Variants in ACSS3 observed in about 807,000 individuals in gnomAD.
ACSS3 encodes acyl-CoA synthetase short chain family member 3.
A neutral mutation model predicts 84.2 loss-of-function variants in ACSS3; 64 were observed. The ratio of observed to expected loss-of-function variants is 0.76; its 90% confidence interval spans 0.62 to 0.94. The LOEUF (loss-of-function observed/expected upper bound fraction) is 0.94. ACSS3 is among the 40% of genes least tolerant of loss of function. The pLI, the probability that ACSS3 is intolerant of heterozygous loss-of-function variation, is 0.00. For synonymous variants in ACSS3, 317 were observed against 310.1 expected, an observed-to-expected ratio of 1.02 and a Z score of -0.23; for missense variants, 815 against 867.6, an observed-to-expected ratio of 0.94 and a Z score of 0.76.
At position 81,257,756 on chromosome 12, in the gene ACSS3, A is replaced by T. The variant is rs2136030707; in HGVS notation, c.*2834A>T. ...GTTGATGATCAAAAGTAACGTGTTGAGACTCTGAGCTTAATCCATTAAATG... is the reference window on the plus strand; with the variant it reads ...GTTGATGATCAAAAGTAACGTGTTGTGACTCTGAGCTTAATCCATTAAATG... On this transcript the variant is annotated 3_prime_UTR_variant, in exon 16 of 16. Transcript: ENST00000548058. 1 of 152,260 alleles carries T rather than the reference A, an allele frequency of 6.6e-6. No individual in the cohort carries two copies. The highest frequency in any genetic ancestry group is 2.1e-4 in the South Asian group (1 of 4,832). 9.4% of individuals were successfully genotyped at this position (152,260 alleles called of 1,614,324 possible).
intron 13 of ACSS3, among the ~76,000 whole-genome samples, chr12:81,243,037 G>C (rs1169400181): frequency 6.6e-5 from 10 of 151,702 alleles, no homozygotes; most frequent in Admixed American, 6.6e-4. Context: ...GGAAATAAAG[G>C]GTATTCAATT....
chr12:81,241,911 C>T (rs1358556903), intron 13 of ACSS3, among the ~76,000 whole-genome samples: 11 of 152,086 alleles, frequency 7.2e-5, no homozygotes, highest in East Asian at 5.8e-4. Flanking sequence ...AGTTCTTGCC[C>T]GTGCCTATGT....
intron 8 of ACSS3, among the ~76,000 whole-genome samples, chr12:81,181,002 T>C (rs2030882234): frequency 6.6e-6 from 1 of 152,172 alleles, no homozygotes; most frequent in Admixed American, 6.5e-5. Context: ...GCTGCTTATA[T>C]TGTATAAGTG....
intron 1 of ACSS3, among the ~76,000 whole-genome samples, chr12:81,083,389 ACT>A (rs948912378): frequency 8.0e-5 from 11 of 138,110 alleles, no homozygotes; most frequent in African/African-American, 2.4e-4. Context: ...ACGGAGTCTC[ACT>A]CTGTCACCCA....
At chr12:81,132,053 A>G (rs558889585) in intron 2 of ACSS3, among the ~76,000 whole-genome samples, 1 of 152,308 alleles carries the variant, frequency 6.6e-6, no homozygotes, top group South Asian at 2.1e-4. Context: ...GGATTTTTGC[A>G]TCGATGTTCA....
chr12:81,182,107 C>T (rs911759840), intron 8 of ACSS3, among the ~76,000 whole-genome samples: 3 of 152,160 alleles, frequency 2.0e-5, no homozygotes, highest in East Asian at 3.9e-4. Flanking sequence ...ACATTATAAT[C>T]GTATTATCAA....
chr12:81,117,482 G>C (rs1312686748), intron 2 of ACSS3, among the ~76,000 whole-genome samples: 1 of 152,132 alleles, frequency 6.6e-6, no homozygotes, highest in Non-Finnish European at 1.5e-5. Flanking sequence ...GGTGGGATAG[G>C]AACTATGTGA....
Position 81,175,768 on chromosome 12 carries a change from G to T in ACSS3, c.1250+829G>T, listed in dbSNP as rs2030423881. Among the ~76,000 whole-genome samples, 7 of 152,218 alleles carry T rather than the reference G, an allele frequency of 4.6e-5. No individual in the cohort carries two copies. In the South Asian group the frequency reaches 1.5e-3, roughly 32 times the overall value. On this transcript the variant is annotated intron_variant, in intron 8 of 15. Transcript: ENST00000548058. ...CCTGGGTGACTTTTGGGTAAACAAT[G>T]AAATTAAGGTAGAAATCAAGAAATC...
intron 1 of ACSS3, among the ~76,000 whole-genome samples, chr12:81,091,794 T>G (rs1881685018): frequency 6.6e-6 from 1 of 152,132 alleles, no homozygotes; most frequent in African/African-American, 2.4e-5. Flanking sequence ...TGTATGTGTA[T>G]GTTAAAATGT....
intron 8 of ACSS3, among the ~76,000 whole-genome samples, chr12:81,198,940 G>A (rs1413122771): frequency 6.6e-6 from 1 of 152,166 alleles, no homozygotes; most frequent in Admixed American, 6.5e-5. Flanking sequence ...CAACACTTAT[G>A]TATGTATTTT....
chr12:81,156,506 G>T (rs913343384), intron 7 of ACSS3, among the ~76,000 whole-genome samples: 3 of 148,596 alleles, frequency 2.0e-5, no homozygotes, highest in Non-Finnish European at 4.5e-5. Flanking sequence ...TAATGAAAAA[G>T]AACTATTTCT....
intron 13 of ACSS3, 119 bp downstream of exon 13, chr12:81,233,590 TAG>T: frequency 7.8e-7 from 1 of 1,284,676 alleles, no homozygotes; most frequent in Non-Finnish European, 1.1e-6. Context: ...CAGCAGAGGC[TAG>T]GTTACTCTTA....
At chr12:81,186,114 T>C (rs1479445672) in intron 8 of ACSS3, among the ~76,000 whole-genome samples, 1 of 151,546 alleles carries the variant, frequency 6.6e-6, no homozygotes, top group African/African-American at 2.4e-5. Flanking sequence ...TAGGGAAAAA[T>C]AGTCACTTTA....
rs1458253714 is a variant in ACSS3 at position 81,255,377 on chromosome 12, GT to G, written c.*459del. The stretch of plus-strand genomic sequence containing the variant: ...CTAGTATTCTTTAGATGCTCACATT[GT>G]TTTAAATAAAATAGATGAAATGGGA... On this transcript the variant is annotated 3_prime_UTR_variant, in exon 16 of 16. Coordinates refer to ENST00000548058, the MANE Select transcript of ACSS3 (RefSeq NM_024560.4). 1 of 152,480 alleles carries G rather than the reference GT, an allele frequency of 6.6e-6. No homozygotes were observed. The highest frequency in any genetic ancestry group is 2.4e-5 in the African/African-American group (1 of 41,408). 9.4% of individuals were successfully genotyped at this position (152,480 alleles called of 1,614,324 possible). A position where few individuals can be genotyped will look rare whatever the true frequency, so the allele number is the denominator to read the frequency against.
chr12:81,181,820 A>G (rs2030957180), intron 8 of ACSS3, among the ~76,000 whole-genome samples: 1 of 148,926 alleles, frequency 6.7e-6, no homozygotes, highest in Non-Finnish European at 1.5e-5. Flanking sequence ...AGAATCTGTG[A>G]ACTTCTTGAA....
At chr12:81,191,084 T>C (rs1199368840) in intron 8 of ACSS3, among the ~76,000 whole-genome samples, 1 of 152,104 alleles carries the variant, frequency 6.6e-6, no homozygotes, top group Admixed American at 6.5e-5. Flanking sequence ...TCAGAGCTTC[T>C]ATATAACTTA....
intron 9 of ACSS3, among the ~76,000 whole-genome samples, chr12:81,204,633 T>C (rs983916054): frequency 2.0e-5 from 3 of 152,142 alleles, no homozygotes; most frequent in Non-Finnish European, 4.4e-5. Context: ...CCACAATGGC[T>C]TTTATAAGGG....
At chr12:81,206,921 G>A (rs963948423) in intron 9 of ACSS3, among the ~76,000 whole-genome samples, 11 of 151,988 alleles carry the variant, frequency 7.2e-5, no homozygotes, top group African/African-American at 2.7e-4. Context: ...CATCTTTATA[G>A]CATTATAATG....
chr12:81,156,737 C>G (rs571690966), intron 7 of ACSS3, among the ~76,000 whole-genome samples: 4 of 152,176 alleles, frequency 2.6e-5, no homozygotes, highest in Admixed American at 1.3e-4. Context: ...CATAAACTCA[C>G]CAAATGAGAA....
Sources: gnomAD v4.1 joint callset for allele counts (sites outside exome capture counted in the v4.1 genomes callset) on GRCh38, gnomAD v4.1.1 for gene constraint, MANE v1.5 for transcripts, NCBI Gene and HGNC (gene_info 2026-07-23, HGNC 2026-07-21) for gene names.